Variants in LHFPL2 observed in about 807,000 individuals in gnomAD.
The protein encoded by LHFPL2 is LHFPL tetraspan subfamily member 2 protein.
LHFPL2 carries 7 observed loss-of-function variants against 17.5 expected under a neutral mutation model. The observed-to-expected ratio is 0.40, with a 90% CI of 0.23 to 0.75. LHFPL2 has a LOEUF of 0.75. Among genes scored for constraint, LHFPL2 ranks in the 30% least tolerant of loss-of-function variants. The probability of loss-of-function intolerance (pLI) is 0.37; values close to 1 mark genes in which losing one functional copy is unlikely to be tolerated. For synonymous variants in LHFPL2, 134 were observed against 116.2 expected (o/e 1.15, Z -0.99); for missense variants, 241 against 294.8 (o/e 0.82, Z 1.34).
chr5:78,623,296 T>C (rs1395149768), intron 2 of LHFPL2, among the ~76,000 whole-genome samples: 2 of 152,348 alleles, frequency 1.3e-5, no homozygotes, highest in Non-Finnish European at 1.5e-5. Flanking sequence ...ATCTTACGAA[T>C]ACAGAACTCC....
chr5:78,590,816 T>C (rs1743600488), intron 2 of LHFPL2, among the ~76,000 whole-genome samples: 1 of 152,232 alleles, frequency 6.6e-6, no homozygotes, highest in African/African-American at 2.4e-5. Flanking sequence ...CTCTAGAAGA[T>C]GTTCTCTAAA....
At chr5:78,507,609 C>T (rs1392924369) in intron 4 of LHFPL2, among the ~76,000 whole-genome samples, 1 of 152,182 alleles carries the variant, frequency 6.6e-6, no homozygotes, top group Admixed American at 6.5e-5. Context: ...AGATGTCCCA[C>T]CCCTTCCAGT....
chr5:78,624,428 GCA>G (rs1744961697), intron 2 of LHFPL2, among the ~76,000 whole-genome samples: 1 of 152,216 alleles, frequency 6.6e-6, no homozygotes, highest in Non-Finnish European at 1.5e-5. Context: ...TCCAGAGGAA[GCA>G]CACTCTCCCC....
At chr5:78,602,887 T>C (rs937113182) in intron 2 of LHFPL2, among the ~76,000 whole-genome samples, 1 of 151,872 alleles carries the variant, frequency 6.6e-6, no homozygotes, top group Non-Finnish European at 1.5e-5. Flanking sequence ...TTTTGTTTTG[T>C]TTTGTTTTGT....
At chr5:78,603,243 G>A (rs1284769506) in intron 2 of LHFPL2, among the ~76,000 whole-genome samples, 4 of 152,110 alleles carry the variant, frequency 2.6e-5, no homozygotes, top group African/African-American at 9.7e-5. Context: ...GCTCCGCAGG[G>A]TTAAGTAACT....
At chr5:78,610,914 A>T (rs1330798486) in intron 2 of LHFPL2, among the ~76,000 whole-genome samples, 2 of 152,192 alleles carry the variant, frequency 1.3e-5, no homozygotes, top group Non-Finnish European at 2.9e-5. Flanking sequence ...TAAGCAAAAA[A>T]AAAAAAGCAT....
chr5:78,515,584 C>T (rs1561316523), intron 3 of LHFPL2, among the ~76,000 whole-genome samples: 1 of 152,176 alleles, frequency 6.6e-6, no homozygotes. Flanking sequence ...CTTTTGCCTT[C>T]CAAGAGTTGG....
intron 3 of LHFPL2, among the ~76,000 whole-genome samples, chr5:78,529,300 GAATTA>G (rs1182770080): frequency 6.6e-6 from 1 of 152,014 alleles, no homozygotes; most frequent in Non-Finnish European, 1.5e-5. Context: ...TAAATAATAA[GAATTA>G]AAAGTTTGCG....
chr5:78,594,285 C>A (rs1263244851), intron 2 of LHFPL2, among the ~76,000 whole-genome samples: 1 of 152,210 alleles, frequency 6.6e-6, no homozygotes, highest in East Asian at 1.9e-4. Context: ...GGAGAGGCAG[C>A]ATAGCTTTGT....
At chr5:78,501,637 T>C (rs1467438747) in intron 4 of LHFPL2, among the ~76,000 whole-genome samples, 1 of 152,166 alleles carries the variant, frequency 6.6e-6, no homozygotes, top group African/African-American at 2.4e-5. Context: ...ACAGACGTGA[T>C]CATATTGCAC....
chr5:78,636,649 G>C (rs1285922464), intron 1 of LHFPL2, among the ~76,000 whole-genome samples: 3 of 152,194 alleles, frequency 2.0e-5, no homozygotes, highest in Non-Finnish European at 2.9e-5. Context: ...ATTATCTCCA[G>C]TGTCTGAACC....
At chr5:78,572,232 G>T (rs1376143955) in intron 2 of LHFPL2, among the ~76,000 whole-genome samples, 1 of 151,894 alleles carries the variant, frequency 6.6e-6, no homozygotes, top group Non-Finnish European at 1.5e-5. Context: ...GAAGTCATAT[G>T]AAAGAGTGAG....
At chr5:78,613,997 T>G (rs1396379044) in intron 2 of LHFPL2, among the ~76,000 whole-genome samples, 1 of 152,198 alleles carries the variant, frequency 6.6e-6, no homozygotes, top group Non-Finnish European at 1.5e-5. Context: ...CAAATGCCAC[T>G]TCATCACAAT....
At chr5:78,638,893 G>A (rs1745561200) in intron 1 of LHFPL2, among the ~76,000 whole-genome samples, 1 of 152,230 alleles carries the variant, frequency 6.6e-6, no homozygotes, top group Admixed American at 6.5e-5. Flanking sequence ...AAAGTCTCAT[G>A]ATCAAGGTTT....
intron 2 of LHFPL2, among the ~76,000 whole-genome samples, chr5:78,582,275 C>A (rs1342660221): frequency 2.0e-5 from 3 of 151,832 alleles, no homozygotes; most frequent in African/African-American, 7.3e-5. Context: ...TTTTTTGTGT[C>A]TCTATTTCCT....
At chr5:78,508,619 CAA>C (rs1016344946) in intron 4 of LHFPL2, among the ~76,000 whole-genome samples, 16 of 152,320 alleles carry the variant, frequency 1.1e-4, no homozygotes, top group Admixed American at 9.1e-4. Flanking sequence ...CTGCTGAGCT[CAA>C]GAGTTTGCTA....
chr5:78,596,528 A>T (rs566755020), intron 2 of LHFPL2, among the ~76,000 whole-genome samples: 2 of 152,350 alleles, frequency 1.3e-5, no homozygotes, highest in South Asian at 4.1e-4. Flanking sequence ...ACCTAATGTG[A>T]TAAAGAGAAA....
chr5:78,548,082 T>C (rs1424574162), intron 3 of LHFPL2, among the ~76,000 whole-genome samples: 1 of 152,202 alleles, frequency 6.6e-6, no homozygotes, highest in Non-Finnish European at 1.5e-5. Context: ...ACCAAGTGGG[T>C]CTTTTCCAGC....
intron 2 of LHFPL2, among the ~76,000 whole-genome samples, chr5:78,617,051 G>T (rs1375751418): frequency 1.3e-5 from 2 of 150,412 alleles, no homozygotes; most frequent in African/African-American, 4.9e-5. Flanking sequence ...TTTTTGAGAT[G>T]GAGTTTTACT....
Sources: gnomAD v4.1 joint callset for allele counts (sites outside exome capture counted in the v4.1 genomes callset) on GRCh38, gnomAD v4.1.1 for gene constraint, MANE v1.5 for transcripts, NCBI Gene and HGNC (gene_info 2026-07-23, HGNC 2026-07-21) for gene names.